RAPGEF4: variants seen among roughly 807,000 people sequenced by gnomAD.
The protein encoded by RAPGEF4 is RAP guanine-nucleotide-exchange factor (GEF) 4.
In RAPGEF4, 66 loss-of-function variants were observed where a neutral mutation model predicts 147.9. The ratio of observed to expected loss-of-function variants is 0.45; its 90% CI spans 0.37 to 0.55. RAPGEF4 has a LOEUF of 0.55. Among genes scored for constraint, RAPGEF4 ranks in the 20% least tolerant of loss-of-function variants. RAPGEF4 has a pLI of 0.00. For missense variants in RAPGEF4, 1,071 were observed against 1,257.3 expected (o/e 0.85, Z 2.24); for synonymous variants, 419 against 442.7 (o/e 0.95, Z 0.67).
chr2:172,933,757 C>T (rs1686231025), intron 6 of RAPGEF4, among the ~76,000 whole-genome samples: 1 of 152,172 alleles, frequency 6.6e-6, no homozygotes, highest in Non-Finnish European at 1.5e-5. Flanking sequence ...TTTCAGGTTT[C>T]ACCTTTTAAA....
At chr2:172,908,456 G>A (rs1699821810) in intron 4 of RAPGEF4, among the ~76,000 whole-genome samples, 1 of 152,214 alleles carries the variant, frequency 6.6e-6, no homozygotes, top group Admixed American at 6.5e-5. Flanking sequence ...CCGTTAAGGT[G>A]AAAACTGTCA....
chr2:172,837,756 A>G (rs1461122214), intron 4 of RAPGEF4, among the ~76,000 whole-genome samples: 1 of 152,004 alleles, frequency 6.6e-6, no homozygotes, highest in Admixed American at 6.6e-5. Context: ...TGGTAATGGG[A>G]TCTCACTATG....
chr2:172,957,416 C>G (rs1688851585), intron 6 of RAPGEF4, among the ~76,000 whole-genome samples: 1 of 152,218 alleles, frequency 6.6e-6, no homozygotes, highest in South Asian at 2.1e-4. Context: ...AATAAAGTTA[C>G]ACTTGTAATG....
chr2:173,035,776 A>G (rs1683918789), intron 27 of RAPGEF4, among the ~76,000 whole-genome samples: 1 of 152,232 alleles, frequency 6.6e-6, no homozygotes, highest in African/African-American at 2.4e-5. Context: ...ATTATGTACT[A>G]TATTCTTACA....
intron 17 of RAPGEF4, among the ~76,000 whole-genome samples, chr2:173,009,916 A>C (rs187787639): frequency 5.3e-5 from 8 of 152,288 alleles, no homozygotes; most frequent in Admixed American, 3.3e-4. Flanking sequence ...TTCCCAACAA[A>C]CTTTGAAGTC....
chr2:172,819,111 C>G (rs1043211688), intron 4 of RAPGEF4, among the ~76,000 whole-genome samples: 5 of 152,000 alleles, frequency 3.3e-5, no homozygotes, highest in African/African-American at 1.2e-4. Flanking sequence ...CTACATCTTT[C>G]CTAATGAAAA....
At chr2:173,046,998 A>G (rs1483907485) in intron 29 of RAPGEF4, among the ~76,000 whole-genome samples, 1 of 152,206 alleles carries the variant, frequency 6.6e-6, no homozygotes, top group African/African-American at 2.4e-5. Context: ...GGTCCGTGAG[A>G]GAAGAAAGGG....
intron 6 of RAPGEF4, among the ~76,000 whole-genome samples, chr2:172,954,198 T>A (rs74813388): frequency 5.9e-5 from 9 of 152,172 alleles, no homozygotes; most frequent in African/African-American, 2.2e-4. Flanking sequence ...CAAGCTAATC[T>A]GCATTCAGCC....
At chr2:172,826,491 C>G (rs1689682958) in intron 4 of RAPGEF4, among the ~76,000 whole-genome samples, 1 of 151,860 alleles carries the variant, frequency 6.6e-6, no homozygotes, top group Non-Finnish European at 1.5e-5. Context: ...TGCAAATATT[C>G]TAAAAAAGGA....
intron 17 of RAPGEF4, among the ~76,000 whole-genome samples, chr2:173,009,140 C>A (rs770407571): frequency 8.5e-5 from 13 of 152,212 alleles, no homozygotes; most frequent in Admixed American, 5.2e-4. Context: ...AAAAGATGTA[C>A]CAGATGTTTT....
intron 3 of RAPGEF4, among the ~76,000 whole-genome samples, chr2:172,806,567 G>A (rs1409566151): frequency 6.6e-6 from 1 of 152,234 alleles, no homozygotes; most frequent in Non-Finnish European, 1.5e-5. Context: ...AGAAAAGTTG[G>A]TTGCAATGAC....
chr2:172,830,825 G>A (rs1015646256), intron 4 of RAPGEF4, among the ~76,000 whole-genome samples: 1 of 152,042 alleles, frequency 6.6e-6, no homozygotes, highest in Non-Finnish European at 1.5e-5. Context: ...ATTGAAACTA[G>A]GTAATACATA....
At chr2:172,860,132 A>G in intron 4 of RAPGEF4, 1 of 985,462 alleles carries the variant, frequency 1.0e-6, no homozygotes, top group Non-Finnish European at 1.2e-6. Flanking sequence ...CAGAAAAGCC[A>G]AGATAAATCA....
At position 172,924,280 on chromosome 2, in the gene RAPGEF4, A is replaced by C. The variant is rs192484739; in HGVS notation, c.537+1980A>C. Among the ~76,000 whole-genome samples, 380 of 152,326 alleles carry C rather than the reference A, an allele frequency of 2.5e-3. 6 individuals carry two copies. Among genetic ancestry groups the C allele is most frequent in the Admixed American group, 0.021 (321 of 15,300 alleles). On this transcript the variant is annotated intron_variant, in intron 6 of 30. Coordinates refer to ENST00000397081, the MANE Select transcript of RAPGEF4 (RefSeq NM_007023.4). Reference sequence around the variant, plus strand: ...TGACCTTTAGGTGGGATCCCCCTGCAGTGGAACAACAGGCACAGGGCTCTA... The same window carrying C: ...TGACCTTTAGGTGGGATCCCCCTGCCGTGGAACAACAGGCACAGGGCTCTA...
chr2:172,978,952 T>C (rs1200854980), intron 10 of RAPGEF4, among the ~76,000 whole-genome samples: 1 of 152,206 alleles, frequency 6.6e-6, no homozygotes, highest in Non-Finnish European at 1.5e-5. Context: ...TGCTTGTTGG[T>C]CCTGAATGGA....
intron 6 of RAPGEF4, among the ~76,000 whole-genome samples, chr2:172,960,412 A>G (rs1689162851): frequency 6.6e-6 from 1 of 152,124 alleles, no homozygotes; most frequent in South Asian, 2.1e-4. Flanking sequence ...TTTAATCTCC[A>G]TTTATGTTTA....
At chr2:172,836,946 A>G (rs531795260) in intron 4 of RAPGEF4, among the ~76,000 whole-genome samples, 2 of 152,334 alleles carry the variant, frequency 1.3e-5, no homozygotes, top group African/African-American at 4.8e-5. Flanking sequence ...AGTGTTTGAT[A>G]TATGTCTGAG....
Position 173,016,410 on chromosome 2 carries a change from C to T in RAPGEF4, c.1871C>T (p.Pro624Leu), listed in dbSNP as rs1695513302. ...RMIAALKEQL[P>L]ELEKIVKQIS... Reference sequence around the variant, plus strand: ...ATTGCTGCCCTCAAGGAGCAACTGCCAGAGTTGGAGAAGATTGTCAAGCAA... The same window carrying T: ...ATTGCTGCCCTCAAGGAGCAACTGCTAGAGTTGGAGAAGATTGTCAAGCAA... The change falls in exon 19 of 31, where the codon CCA becomes CTA. Residue 624 changes from proline (P) to leucine (L), a missense_variant. Coordinates refer to ENST00000397081, the MANE Select transcript of RAPGEF4 (RefSeq NM_007023.4). The T allele has an allele frequency of 1.9e-6, 3 of 1,612,938 alleles. No homozygotes were observed. In the Admixed American group the frequency reaches 5.0e-5, roughly 27 times the overall value.
At chr2:172,916,351 A>G (rs1684069322) in intron 4 of RAPGEF4, among the ~76,000 whole-genome samples, 1 of 152,206 alleles carries the variant, frequency 6.6e-6, no homozygotes, top group African/African-American at 2.4e-5. Context: ...TGATAATGGT[A>G]ATCAGGAGTC....
Sources: gnomAD v4.1 joint callset for allele counts (sites outside exome capture counted in the v4.1 genomes callset) on GRCh38, gnomAD v4.1.1 for gene constraint, MANE v1.5 for transcripts, NCBI Gene and HGNC (gene_info 2026-07-23, HGNC 2026-07-21) for gene names.